The following GFRA2 variants were observed in gnomAD, a reference collection of about 807,000 sequenced individuals.
The protein encoded by GFRA2 is GDNF family receptor alpha 2.
Under a neutral mutation model 48.3 loss-of-function variants are expected in GFRA2, and 17 were observed. That is an observed-to-expected ratio of 0.35 (90% CI 0.24 to 0.53). The LOEUF is 0.53. GFRA2 is among the 20% of genes least tolerant of loss of function. The pLI, the probability that GFRA2 is intolerant of heterozygous loss-of-function variation, is 0.93. For missense variants in GFRA2, 660 were observed against 637.3 expected (o/e 1.04, Z -0.38); for synonymous variants, 305 against 257.2 (o/e 1.19, Z -1.78).
chr8:21,772,347 A>G (rs1806477647), intron 3 of GFRA2, among the ~76,000 whole-genome samples: 1 of 152,144 alleles, frequency 6.6e-6, no homozygotes. Context: ...CTTATCGACC[A>G]GGCTGGAGTG....
At chr8:21,749,254 A>C (rs530488259) in intron 4 of GFRA2, among the ~76,000 whole-genome samples, 140 of 151,952 alleles carry the variant, frequency 9.2e-4, no homozygotes, top group African/African-American at 3.2e-3. Flanking sequence ...AAAAAAAAAA[A>C]CTACCTTCCT....
chr8:21,767,250 TACAC>T (rs1348751887), intron 3 of GFRA2, among the ~76,000 whole-genome samples: 4 of 146,690 alleles, frequency 2.7e-5, no homozygotes, highest in East Asian at 2.0e-4. Flanking sequence ...ACACATCACA[TACAC>T]ACACCACCAC....
At position 21,775,022 on chromosome 8, in the gene GFRA2, G is replaced by A. The variant is rs1267008846; in HGVS notation, c.389C>T (p.Pro130Leu). The change falls in exon 3 of 9, where the codon CCG becomes CTG. Residue 130 changes from proline to leucine, a missense_variant. Transcript: ENST00000524240. The part of the protein sequence containing the change: ...EEFYEASPYE[P>L]VTSRLSDIFR... ...GATGTCCGAGAGGCGGGAGGTCACC[G>A]GCTCATAGGGGGAGGCTTCGTAGAA... 1.6e-5 allele frequency: 26 copies of A among 1,603,476 alleles called. No individual in the cohort carries two copies. In the East Asian group the frequency reaches 2.7e-4, roughly 17 times the overall value.
At chr8:21,747,601 C>A (rs1805069542) in intron 4 of GFRA2, among the ~76,000 whole-genome samples, 1 of 152,102 alleles carries the variant, frequency 6.6e-6, no homozygotes, top group Non-Finnish European at 1.5e-5. Flanking sequence ...ACCACTTCCC[C>A]TTCAGTGTGC....
upstream of GFRA2, among the ~76,000 whole-genome samples, chr8:21,789,613 G>C (rs1807482772): frequency 6.6e-6 from 1 of 152,042 alleles, no homozygotes; most frequent in Non-Finnish European, 1.5e-5. Flanking sequence ...CCGGCCCCGC[G>C]CGCCCCCGAA....
At chr8:21,769,241 A>G in intron 3 of GFRA2, 1 of 916,322 alleles carries the variant, frequency 1.1e-6, no homozygotes, top group African/African-American at 1.8e-5. Context: ...GTCTGGCCCC[A>G]GCCCCGCCCC....
At position 21,760,070 on chromosome 8, in the gene GFRA2, A is replaced by G. The variant is rs1234100295; in HGVS notation, c.440-9128T>C. 2.6e-5 allele frequency among the ~76,000 whole-genome samples: 4 copies of G among 152,168 alleles called. No individual in the cohort carries two copies. In the East Asian group the frequency reaches 7.7e-4, roughly 29 times the overall value. ...CAAGCACAAAGGTCCTGAGACAGCT[A>G]TGAGCTTGGCACGTTCCTAATCAAA... On this transcript the variant is annotated intron_variant, in intron 3 of 8. Coordinates refer to ENST00000524240, the MANE Select transcript of GFRA2 (RefSeq NM_001495.5).
At chr8:21,761,216 C>T (rs753763611) in intron 3 of GFRA2, among the ~76,000 whole-genome samples, 8 of 152,158 alleles carry the variant, frequency 5.3e-5, no homozygotes, top group Non-Finnish European at 1.0e-4. Flanking sequence ...GCATCCAACC[C>T]CAGCCCGCCC....
rs527722349 is a variant in GFRA2, at chr8:21,708,175, A to G, written c.795-2134T>C. 1.4e-4 allele frequency among the ~76,000 whole-genome samples: 21 copies of G among 152,354 alleles called. No homozygotes were observed. In the South Asian group the frequency reaches 4.4e-3, roughly 32 times the overall value. ...CATCATTCTGCACCTCAGGAAAGCAATGTCTTCCACAGGAAACGAGGAGGA... is the reference window on the plus strand; with the variant it reads ...CATCATTCTGCACCTCAGGAAAGCAGTGTCTTCCACAGGAAACGAGGAGGA... On this transcript the variant is annotated intron_variant, in intron 4 of 8. Transcript: ENST00000524240.
chr8:21,749,617 T>A (rs1805178015), intron 4 of GFRA2, among the ~76,000 whole-genome samples: 1 of 152,152 alleles, frequency 6.6e-6, no homozygotes, highest in Non-Finnish European at 1.5e-5. Flanking sequence ...CCACGTGACC[T>A]ACGTTGGGAT....
At chr8:21,798,594 G>T (rs1807717730) in intron 2 of GFRA2, among the ~76,000 whole-genome samples, 1 of 152,128 alleles carries the variant, frequency 6.6e-6, no homozygotes, top group Non-Finnish European at 1.5e-5. Flanking sequence ...TTGTCACAAG[G>T]GACAAGGATG....
chr8:21,803,189 G>T (rs1263798144), intron 2 of GFRA2, among the ~76,000 whole-genome samples: 3 of 152,182 alleles, frequency 2.0e-5, no homozygotes, highest in African/African-American at 7.2e-5. Context: ...TTATCATCCT[G>T]CAGCTGCTAC....
At position 21,705,976 on chromosome 8, in the gene GFRA2, G is replaced by A. The variant is rs567874667; in HGVS notation, c.860C>T (p.Ala287Val). 21 of 1,578,804 alleles carry A rather than the reference G, an allele frequency of 1.3e-5. No homozygotes were observed. The highest frequency in any genetic ancestry group is 4.6e-5 in the East Asian group (2 of 43,160). Residue 287 changes from alanine to valine, a missense_variant, in exon 5 of 9, where the codon GCG becomes GTG. By Grantham distance (64) the Ala-to-Val change is moderately conservative. Coordinates refer to ENST00000524240, the MANE Select transcript of GFRA2 (RefSeq NM_001495.5). ...ASYQTVTSCP[A>V]DNYQACLGSY... ...GCCCAGACACGCCTGGTAATTGTCC[G>A]CAGGGCAGCTGGTGACCGTCTGGTA...
rs148033575 is a variant in GFRA2, at chr8:21,750,071, ATGTGTG to A, written c.794+511_794+516del. Among the ~76,000 whole-genome samples the A allele has an allele frequency of 6.7e-6, 1 of 149,840 alleles. No individual in the cohort carries two copies. The highest frequency in any genetic ancestry group is 1.5e-5 in the Non-Finnish European group (1 of 67,692). ...TATGTAAGTATATATATGTGTATATATGTGTGTGTGTGTGTATACACACACACACAC... is the reference window on the plus strand; with the variant it reads ...TATGTAAGTATATATATGTGTATATATGTGTGTGTATACACACACACACAC... On this transcript the variant is annotated intron_variant, in intron 4 of 8. Transcript: ENST00000524240. The surrounding 1 kb of genome is among the most constrained non-coding windows in gnomAD (Gnocchi z 5.7).
chr8:21,694,333 TG>T, intron 8 of GFRA2, 130 bp downstream of exon 8: 1 of 719,498 alleles, frequency 1.4e-6, no homozygotes, highest in Non-Finnish European at 2.2e-6. Flanking sequence ...GTGCCCACCC[TG>T]GTCCAGAAGC....
In GFRA2 at chr8:21,709,739, T is replaced by G. The variant is rs1301894381; in HGVS notation, c.795-3698A>C. ...CCAGGCAATGCCAGTTCCCACCCAG[T>G]GCACAGGGAGCCTTGCTTCCCTCCC... On this transcript the variant is annotated intron_variant, in intron 4 of 8. Coordinates refer to ENST00000524240, the MANE Select transcript of GFRA2 (RefSeq NM_001495.5). Among the ~76,000 whole-genome samples, 5 of 152,214 alleles carry G rather than the reference T, an allele frequency of 3.3e-5. No individual in the cohort carries two copies. The South Asian group carries it at 1.0e-3, about 32-fold the overall frequency.
intron 2 of GFRA2, among the ~76,000 whole-genome samples, chr8:21,781,221 T>C (rs1395623720): frequency 6.6e-6 from 1 of 152,102 alleles, no homozygotes; most frequent in Non-Finnish European, 1.5e-5. Context: ...TCTAATCTAC[T>C]CTCTCCACTG....
At chr8:21,761,134 G>T (rs1436854242) in intron 3 of GFRA2, among the ~76,000 whole-genome samples, 1 of 152,092 alleles carries the variant, frequency 6.6e-6, no homozygotes, top group African/African-American at 2.4e-5. Context: ...CCTCATGCTG[G>T]ATGACTGTCA....
rs544280794 is a variant in GFRA2 at position 21,733,932 on chromosome 8, C to G, written c.794+16656G>C. On this transcript the variant is annotated intron_variant, in intron 4 of 8. Transcript: ENST00000524240. The stretch of plus-strand genomic sequence containing the variant: ...AAAAAAATCAAAGTCATCATCATTT[C>G]TGTTTCTTTCCCCTCCTTCCTGCCA... 1.1e-3 allele frequency among the ~76,000 whole-genome samples: 160 copies of G among 152,306 alleles called. 1 individual carries two copies. Among genetic ancestry groups the G allele is most frequent in the Non-Finnish European group, 1.9e-3 (128 of 68,028 alleles).
Sources: gnomAD v4.1 joint callset for allele counts (sites outside exome capture counted in the v4.1 genomes callset) on GRCh38, gnomAD v4.1.1 for gene constraint, Gnocchi (gnomAD v3.1) non-coding constraint, MANE v1.5 for transcripts, NCBI Gene and HGNC (gene_info 2026-07-23, HGNC 2026-07-21) for gene names.